The following CUBN variants were observed in gnomAD, a reference collection of about 807,000 sequenced individuals.
The protein encoded by CUBN is 460 kDa receptor.
Under a neutral mutation model 405.3 loss-of-function variants are expected in CUBN, and 282 were observed. That is an observed-to-expected ratio of 0.70 (90% CI 0.63 to 0.77). The LOEUF is 0.77. Among genes scored for constraint, CUBN ranks in the 30% least tolerant of loss-of-function variants. The pLI, the probability that CUBN is intolerant of heterozygous loss-of-function variation, is 0.00. For missense variants in CUBN, 4,514 were observed against 4,475.2 expected (o/e 1.01, Z -0.25); for synonymous variants, 1,684 against 1,617.0 (o/e 1.04, Z -0.99).
intron 15 of CUBN, 74 bp downstream of exon 15, chr10:17,088,090 T>C (rs1039059634): frequency 9.2e-6 from 11 of 1,201,966 alleles, no homozygotes; most frequent in African/African-American, 4.6e-5. Flanking sequence ...GGGTCATCCA[T>C]GGGCATGGCT....
At chr10:17,078,706 A>G (rs1322270635) in intron 17 of CUBN, among the ~76,000 whole-genome samples, 1 of 152,214 alleles carries the variant, frequency 6.6e-6, no homozygotes, top group Non-Finnish European at 1.5e-5. Context: ...TACTAGTACT[A>G]TCCCTATTAC....
At chr10:16,937,835 A>T (rs1202029596) in intron 38 of CUBN, 51 bp from the exon 39 acceptor site, 2 of 1,511,648 alleles carry the variant, frequency 1.3e-6, no homozygotes, top group Non-Finnish European at 1.8e-6. Context: ...ATTTTTCTTC[A>T]TAAAAAGATA....
At chr10:16,958,596 A>G (rs948656398) in intron 31 of CUBN, among the ~76,000 whole-genome samples, 6 of 152,188 alleles carry the variant, frequency 3.9e-5, no homozygotes, top group African/African-American at 1.4e-4. Flanking sequence ...TGTGATGAGC[A>G]TGTTATAATT....
At chr10:16,869,163 G>C (rs1160197711) in intron 59 of CUBN, among the ~76,000 whole-genome samples, 2 of 94,442 alleles carry the variant, frequency 2.1e-5, no homozygotes, top group Admixed American at 9.3e-5. Context: ...CTACCAAAGT[G>C]ATTTTTTTTT....
chr10:16,846,265 T>C (rs780826), intron 60 of CUBN, among the ~76,000 whole-genome samples: 152,364 of 152,368 alleles, frequency 1, 76,180 homozygotes, highest in Non-Finnish European at 1. Flanking sequence ...GTTGCAAATA[T>C]AACCCACCCG....
Position 17,085,756 on chromosome 10 carries a change from G to C in CUBN, c.1951C>G (p.Arg651Gly), listed in dbSNP as rs182512508. ...GGGTCCTGATACAAAGGACCATCTC[G>C]AATCTAAAACAAAAGGATGAATCAT... ...DDCNKDYLEI[R>G]DGPLYQDPLL... is the part of the protein sequence containing the mutation. Residue 651 changes from arginine to glycine, a missense_variant, in exon 16 of 67, where the codon CGA (arginine) becomes GGA (glycine). Arg to Gly is a moderately radical substitution (Grantham distance 125). This residue lies in a region of CUBN where 1,448 missense variants were observed against 1,388.0 expected (regional missense o/e 1.04). Coordinates refer to ENST00000377833, the MANE Select transcript of CUBN (RefSeq NM_001081.4). The C allele has an allele frequency of 4.7e-4, 762 of 1,613,690 alleles. 1 individual carries two copies. In the East Asian group the frequency reaches 0.016, roughly 33 times the overall value.
At chr10:16,978,778 G>A (rs557871197) in intron 31 of CUBN, among the ~76,000 whole-genome samples, 4 of 152,238 alleles carry the variant, frequency 2.6e-5, no homozygotes, top group East Asian at 3.9e-4. Context: ...CAGGTAGCCC[G>A]GAACAAGACA....
chr10:16,847,867 T>TA (rs1466202105), intron 60 of CUBN, among the ~76,000 whole-genome samples: 2 of 151,694 alleles, frequency 1.3e-5, no homozygotes, highest in Admixed American at 1.3e-4. Context: ...TTAGCTTTTC[T>TA]AAAAAGTGAT....
At chr10:16,847,894 A>T (rs1241189534) in intron 60 of CUBN, among the ~76,000 whole-genome samples, 1 of 92,652 alleles carries the variant, frequency 1.1e-5, no homozygotes, top group Non-Finnish European at 2.3e-5. Flanking sequence ...ATAATCTCTA[A>T]AAAAAAATCT....
intron 27 of CUBN, among the ~76,000 whole-genome samples, chr10:17,037,023 C>T (rs527305131): frequency 6.6e-6 from 1 of 152,278 alleles, no homozygotes; most frequent in African/African-American, 2.4e-5. Flanking sequence ...TCACTTTTCT[C>T]ACCTAACGAA....
In CUBN at chr10:17,115,243, CAAA is replaced by C. The variant is rs71377018; in HGVS notation, c.720+225_720+227del. Among the ~76,000 whole-genome samples the C allele has an allele frequency of 0.58, 70,627 of 122,320 alleles. 20,120 individuals are homozygous for C. The highest frequency in any genetic ancestry group is 0.65 in the Non-Finnish European group (39,251 of 60,212). 80.2% of individuals were successfully genotyped at this position (122,320 alleles called of 152,430 possible). On this transcript the variant is annotated intron_variant, in intron 7 of 66. Coordinates refer to ENST00000377833, the MANE Select transcript of CUBN (RefSeq NM_001081.4). ...TGGGTGACAGAGTGAGGCTCCATCTCAAAAAAAAAAAAAAAAAAAAATCCTATT... is the reference window on the plus strand; with the variant it reads ...TGGGTGACAGAGTGAGGCTCCATCTCAAAAAAAAAAAAAAAAAATCCTATT...
chr10:16,985,965 G>A (rs1833406227), intron 29 of CUBN, among the ~76,000 whole-genome samples: 1 of 152,190 alleles, frequency 6.6e-6, no homozygotes, highest in Non-Finnish European at 1.5e-5. Context: ...AGGCCTCCAG[G>A]AGGCCTCACA....
intron 17 of CUBN, among the ~76,000 whole-genome samples, chr10:17,079,217 T>G (rs1835917911): frequency 6.7e-6 from 1 of 148,520 alleles, no homozygotes; most frequent in South Asian, 2.1e-4. Context: ...AAATCCAATA[T>G]GCTCAAGAAT....
Position 17,076,051 on chromosome 10 carries a change from T to C in CUBN, c.2302-4080A>G, listed in dbSNP as rs10128223. 4.8e-3 allele frequency among the ~76,000 whole-genome samples: 724 copies of C among 152,290 alleles called. 8 individuals are homozygous for C. Among genetic ancestry groups the C allele is most frequent in the African/African-American group, 0.016 (673 of 41,554 alleles). On this transcript the variant is annotated intron_variant, in intron 17 of 66. Coordinates refer to ENST00000377833, the MANE Select transcript of CUBN (RefSeq NM_001081.4). ...AGGGTTCTATTTGCTTCTTCGAAGATTGTAGTCTCTCTTTTCTATTTCGCC... is the reference window on the plus strand; with the variant it reads ...AGGGTTCTATTTGCTTCTTCGAAGACTGTAGTCTCTCTTTTCTATTTCGCC...
At chr10:16,900,110 C>T (rs1300347515) in intron 53 of CUBN, among the ~76,000 whole-genome samples, 2 of 152,316 alleles carry the variant, frequency 1.3e-5, no homozygotes, top group East Asian at 1.9e-4. Context: ...TTGTCACCTT[C>T]GTTTTCAAAA....
intron 59 of CUBN, 148 bp downstream of exon 59, chr10:16,869,488 T>G: frequency 1.4e-6 from 1 of 709,480 alleles, no homozygotes; most frequent in Non-Finnish European, 2.5e-6. Flanking sequence ...TACGTAAGTT[T>G]TAAAACCAAG....
At chr10:17,057,440 C>T (rs1835420051) in intron 22 of CUBN, among the ~76,000 whole-genome samples, 1 of 152,114 alleles carries the variant, frequency 6.6e-6, no homozygotes, top group African/African-American at 2.4e-5. Flanking sequence ...AGCCAGTCTT[C>T]CATCTGGTCT....
intron 17 of CUBN, among the ~76,000 whole-genome samples, chr10:17,076,368 C>T (rs1024562511): frequency 3.9e-5 from 6 of 152,044 alleles, no homozygotes; most frequent in African/African-American, 1.4e-4. Flanking sequence ...AACTACAACT[C>T]CTTTGAAAGA....
At chr10:17,043,804 A>C (rs769811965) in intron 26 of CUBN, 23 bp downstream of exon 26, 2 of 1,611,378 alleles carry the variant, frequency 1.2e-6, no homozygotes, top group South Asian at 2.2e-5. Flanking sequence ...ATACACACTT[A>C]CTCTGCCGGT....
Sources: allele counts gnomAD v4.1 joint callset (sites outside exome capture counted in the v4.1 genomes callset), GRCh38; gene constraint gnomAD v4.1.1; regional missense constraint gnomAD v4.1.1; transcripts MANE v1.5; gene names NCBI Gene and HGNC (gene_info 2026-07-23, HGNC 2026-07-21).